The following PLXNA4 variants were observed in gnomAD, a reference collection of about 807,000 sequenced individuals.
PLXNA4 encodes the protein plexin A4.
PLXNA4 carries 44 observed loss-of-function variants against 191.8 expected under a neutral mutation model. That is an observed-to-expected ratio of 0.23 (90% CI 0.18 to 0.29). PLXNA4 has a LOEUF of 0.29. Ranked by LOEUF, PLXNA4 falls within the 10% of genes least tolerant of loss-of-function variation. The pLI, the probability that PLXNA4 is intolerant of heterozygous loss-of-function variation, is 1.00. For synonymous variants in PLXNA4, 1,082 were observed against 1,009.5 expected (o/e 1.07, Z -1.36); for missense variants, 1,800 against 2,488.8 (o/e 0.72, Z 5.89).
At chr7:132,512,886 CA>C (rs1203974857) in intron 1 of PLXNA4, among the ~76,000 whole-genome samples, 1 of 152,176 alleles carries the variant, frequency 6.6e-6, no homozygotes, top group African/African-American at 2.4e-5. Flanking sequence ...TAGCTAGTTT[CA>C]AAACCAAGTA....
chr7:132,552,863 T>C (rs1438333683), intron 1 of PLXNA4, among the ~76,000 whole-genome samples: 1 of 151,934 alleles, frequency 6.6e-6, no homozygotes, highest in Non-Finnish European at 1.5e-5. Context: ...GAAGTAGAAG[T>C]TGTGTTAGGA....
intron 1 of PLXNA4, among the ~76,000 whole-genome samples, chr7:132,529,708 T>C (rs147235013): frequency 0.034 from 5,117 of 151,590 alleles, 223 homozygotes; most frequent in African/African-American, 0.099. Flanking sequence ...TGGGTCCATG[T>C]CATTCTCCTG....
chr7:132,489,505 G>C (rs761775007), intron 2 of PLXNA4, 31 bp from the exon 3 acceptor site: 2 of 1,507,414 alleles, frequency 1.3e-6, no homozygotes, highest in Non-Finnish European at 1.8e-6. Context: ...AAAATTAGAA[G>C]GGAGCGTCAA....
intron 3 of PLXNA4, among the ~76,000 whole-genome samples, chr7:132,388,934 C>T (rs1805277642): frequency 6.6e-6 from 1 of 152,246 alleles, no homozygotes. Flanking sequence ...CCATGACTGG[C>T]AGCTCAGAGC....
At chr7:132,318,919 G>T (rs1802057128) in intron 3 of PLXNA4, among the ~76,000 whole-genome samples, 1 of 152,110 alleles carries the variant, frequency 6.6e-6, no homozygotes, top group African/African-American at 2.4e-5. Context: ...TTCTCCTGCA[G>T]CCAGCAGGTG....
intron 1 of PLXNA4, among the ~76,000 whole-genome samples, chr7:132,559,349 A>G (rs1465727006): frequency 6.6e-6 from 1 of 152,158 alleles, no homozygotes; most frequent in Non-Finnish European, 1.5e-5. Flanking sequence ...AAAGCACAAG[A>G]CAATTTTATT....
At chr7:132,606,567 T>C (rs903474284) in intron 2 of PLXNA4, among the ~76,000 whole-genome samples, 2 of 152,216 alleles carry the variant, frequency 1.3e-5, no homozygotes, top group African/African-American at 4.8e-5. Flanking sequence ...CATAAGTAAA[T>C]GTGAAATCTG....
chr7:132,324,403 T>C (rs1166559167), intron 3 of PLXNA4, among the ~76,000 whole-genome samples: 1 of 152,226 alleles, frequency 6.6e-6, no homozygotes, highest in Non-Finnish European at 1.5e-5. Context: ...TAGATTGTGA[T>C]AAGTTGGTTG....
At chr7:132,503,525 C>G (rs74764256) in intron 2 of PLXNA4, among the ~76,000 whole-genome samples, 3,090 of 152,290 alleles carry the variant, frequency 0.02, 75 homozygotes, top group African/African-American at 0.057. Flanking sequence ...GAAGGACAGA[C>G]AGCCATCACC....
At chr7:132,411,178 C>A (rs1794445021) in intron 3 of PLXNA4, among the ~76,000 whole-genome samples, 1 of 152,164 alleles carries the variant, frequency 6.6e-6, no homozygotes, top group Admixed American at 6.5e-5. Context: ...ATGAGTTGCT[C>A]CATGTGTCCA....
intron 3 of PLXNA4, among the ~76,000 whole-genome samples, chr7:132,414,555 C>T (rs1308972417): frequency 6.6e-6 from 1 of 152,118 alleles, no homozygotes; most frequent in Non-Finnish European, 1.5e-5. Flanking sequence ...AGGTTTGATG[C>T]TTGGACAAGA....
intron 1 of PLXNA4, among the ~76,000 whole-genome samples, chr7:132,561,387 CTCCTCCTCCTCTTCCTCCTCCTCCTCT>C (rs1165726107): frequency 1.1e-4 from 16 of 141,552 alleles, no homozygotes; most frequent in Admixed American, 6.9e-4. Context: ...CCTCCTCTTC[CTCCTCCTCCTCTTCCTCCTCCTCCTCT>C]TCCTCCTCCT....
chr7:132,489,117 G>C (rs574435752), intron 3 of PLXNA4, among the ~76,000 whole-genome samples, 175 bp downstream of exon 3: 1 of 152,190 alleles, frequency 6.6e-6, no homozygotes, highest in Non-Finnish European at 1.5e-5. Flanking sequence ...CCTCAGCACA[G>C]AGGCAGAGAA....
At position 132,433,047 on chromosome 7, in the gene PLXNA4, C is replaced by G. The variant is rs138951540; in HGVS notation, c.1371+56245G>C. Among the ~76,000 whole-genome samples, 1,246 of 152,232 alleles carry G rather than the reference C, an allele frequency of 8.2e-3. 17 individuals carry two copies. Among genetic ancestry groups the G allele is most frequent in the African/African-American group, 0.028 (1,173 of 41,534 alleles). On this transcript the variant is annotated intron_variant, in intron 3 of 31. Transcript: ENST00000321063. Reference sequence around the variant, plus strand: ...ACACATAGGAGGTTTCTGTCTAGTTCCGGTTGATACACACACCAAATGGGC... The same window carrying G: ...ACACATAGGAGGTTTCTGTCTAGTTGCGGTTGATACACACACCAAATGGGC...
intron 3 of PLXNA4, among the ~76,000 whole-genome samples, chr7:132,303,670 C>A (rs750742586): frequency 2.6e-5 from 4 of 152,170 alleles, no homozygotes; most frequent in Non-Finnish European, 5.9e-5. Flanking sequence ...AAACCACATC[C>A]CAATCCTGTG....
intron 4 of PLXNA4, among the ~76,000 whole-genome samples, chr7:132,288,526 G>A (rs1022520495): frequency 2.6e-5 from 4 of 152,150 alleles, no homozygotes; most frequent in Admixed American, 6.5e-5. Context: ...GTCTGAGGTG[G>A]CTCCATTTCC....
In PLXNA4 at chr7:132,227,532, T is replaced by A; in HGVS notation, c.1801A>T (p.Met601Leu). Residue 601 changes from methionine to leucine, a missense_variant, in exon 7 of 32, where the codon ATG becomes TTG. By Grantham distance (15) the Met-to-Leu change is conservative (BLOSUM62 2). Coordinates refer to ENST00000321063, the MANE Select transcript of PLXNA4 (RefSeq NM_020911.2). ...TGATTGCCCACGACCAGCCCATCCATCTCTGACAGGTCCTCAAAGGTGCAG... is the reference window on the plus strand; with the variant it reads ...TGATTGCCCACGACCAGCCCATCCAACTCTGACAGGTCCTCAAAGGTGCAG... ...VNCTFEDLSE[M>L]DGLVVGNQIQ... is the part of the protein sequence containing the mutation. 1.2e-6 allele frequency: 2 copies of A among 1,614,110 alleles called. No homozygotes were observed.
chr7:132,141,269 G>A (rs1795260847), intron 29 of PLXNA4, among the ~76,000 whole-genome samples: 1 of 152,170 alleles, frequency 6.6e-6, no homozygotes. Context: ...TCTACTGTAT[G>A]ACTTGGCAGA....
At chr7:132,155,010 A>G (rs1217848101) in intron 25 of PLXNA4, among the ~76,000 whole-genome samples, 1 of 152,090 alleles carries the variant, frequency 6.6e-6, no homozygotes, top group Non-Finnish European at 1.5e-5. Context: ...GCTGCTGTGA[A>G]CTCTTTATAT....
Sources: allele counts gnomAD v4.1 joint callset (sites outside exome capture counted in the v4.1 genomes callset), GRCh38; gene constraint gnomAD v4.1.1; transcripts MANE v1.5; gene names NCBI Gene and HGNC (gene_info 2026-07-23, HGNC 2026-07-21).